Variants in ADCY2 observed in about 807,000 individuals in gnomAD.
ADCY2 encodes adenylate cyclase type 2.
A neutral mutation model predicts 125.2 loss-of-function variants in ADCY2; 31 were observed. The ratio of observed to expected loss-of-function variants is 0.25; its 90% CI spans 0.19 to 0.33. The LOEUF is 0.33. ADCY2 is among the 10% of genes least tolerant of loss of function. The pLI is 1.00. For missense variants in ADCY2, 904 were observed against 1,418.2 expected (o/e 0.64, Z 5.82); for synonymous variants, 512 against 548.4 (o/e 0.93, Z 0.93).
intron 2 of ADCY2, among the ~76,000 whole-genome samples, chr5:7,460,922 C>G (rs1162119805): frequency 6.6e-6 from 1 of 152,170 alleles, no homozygotes; most frequent in African/African-American, 2.4e-5. Context: ...GGTTCCTCTG[C>G]ATTTACAAGA....
At chr5:7,658,800 G>A (rs1739430979) in intron 4 of ADCY2, among the ~76,000 whole-genome samples, 2 of 152,182 alleles carry the variant, frequency 1.3e-5, no homozygotes, top group South Asian at 4.1e-4. Flanking sequence ...CTGGACCGAG[G>A]GAAGAGCAGA....
intron 2 of ADCY2, among the ~76,000 whole-genome samples, chr5:7,514,443 C>A (rs1744183944): frequency 1.3e-5 from 2 of 152,154 alleles, no homozygotes; most frequent in Admixed American, 6.5e-5. Context: ...ACTTGCCTTT[C>A]ATGTCTGACT....
intron 3 of ADCY2, among the ~76,000 whole-genome samples, chr5:7,529,247 T>A (rs62341509): frequency 0.73 from 110,611 of 151,986 alleles, 43,370 homozygotes; most frequent in East Asian, 0.88. Flanking sequence ...AATGAGGACT[T>A]AATGAAAAGG....
intron 23 of ADCY2, among the ~76,000 whole-genome samples, chr5:7,818,877 G>C (rs956216058): frequency 6.6e-6 from 1 of 152,208 alleles, no homozygotes; most frequent in South Asian, 2.1e-4. Flanking sequence ...GGGTGTATTA[G>C]GGTTATCTGG....
chr5:7,678,003 T>C (rs1740194202), intron 4 of ADCY2, among the ~76,000 whole-genome samples: 1 of 152,234 alleles, frequency 6.6e-6, no homozygotes, highest in South Asian at 2.1e-4. Context: ...ATCTGTTTAC[T>C]GTTTGATAAA....
chr5:7,728,743 T>C (rs918922445), intron 14 of ADCY2, among the ~76,000 whole-genome samples: 1 of 152,210 alleles, frequency 6.6e-6, no homozygotes, highest in African/African-American at 2.4e-5. Flanking sequence ...TTAATTTTTC[T>C]ACATCTTCCT....
In ADCY2 at chr5:7,592,948, G is replaced by A. The variant is rs145248727; in HGVS notation, c.571-33219G>A. Among the ~76,000 whole-genome samples the A allele has an allele frequency of 2.9e-3, 439 of 152,254 alleles. 1 individual carries two copies. The highest frequency in any genetic ancestry group is 5.6e-3 in the Admixed American group (85 of 15,298). On this transcript the variant is annotated intron_variant, in intron 3 of 24. Coordinates refer to ENST00000338316, the MANE Select transcript of ADCY2 (RefSeq NM_020546.3). ...AAAAGAGAATTCCTCCTGGGATTGT[G>A]CGATTTACCATGTTGTATGTGATAG...
At chr5:7,453,146 T>G (rs1344391167) in intron 2 of ADCY2, among the ~76,000 whole-genome samples, 1 of 152,200 alleles carries the variant, frequency 6.6e-6, no homozygotes, top group Non-Finnish European at 1.5e-5. Context: ...GCATTTGCTT[T>G]TGGGGTCTTT....
At chr5:7,503,987 C>T (rs1035036645) in intron 2 of ADCY2, among the ~76,000 whole-genome samples, 6 of 152,134 alleles carry the variant, frequency 3.9e-5, no homozygotes, top group Admixed American at 1.3e-4. Flanking sequence ...AGTTTACCAC[C>T]GCAGAAAGCA....
At chr5:7,526,085 C>G (rs989718178) in intron 3 of ADCY2, among the ~76,000 whole-genome samples, 1 of 152,220 alleles carries the variant, frequency 6.6e-6, no homozygotes, top group African/African-American at 2.4e-5. Context: ...GCTCTGACAC[C>G]CACGCATGTG....
At chr5:7,537,562 C>T (rs896251032) in intron 3 of ADCY2, among the ~76,000 whole-genome samples, 2 of 152,234 alleles carry the variant, frequency 1.3e-5, no homozygotes, top group Non-Finnish European at 2.9e-5. Flanking sequence ...TCCCAAGTCA[C>T]TTTCCTGCTA....
chr5:7,454,402 G>GT (rs1741590481), intron 2 of ADCY2, among the ~76,000 whole-genome samples: 1 of 152,150 alleles, frequency 6.6e-6, no homozygotes, highest in Non-Finnish European at 1.5e-5. Flanking sequence ...TTGCAATGGT[G>GT]TGGAGCCCAA....
intron 2 of ADCY2, among the ~76,000 whole-genome samples, chr5:7,513,960 G>A (rs1487721289): frequency 6.6e-6 from 1 of 152,150 alleles, no homozygotes; most frequent in Non-Finnish European, 1.5e-5. Flanking sequence ...GTATTTCTCT[G>A]ATGGTGTGTT....
intron 6 of ADCY2, among the ~76,000 whole-genome samples, chr5:7,696,885 C>A (rs182224927): frequency 2.1e-3 from 323 of 152,164 alleles, no homozygotes; most frequent in Non-Finnish European, 4.0e-3. Context: ...TTTACCAAGC[C>A]AAAGGAAGGG....
chr5:7,692,392 C>T (rs1462967018), intron 5 of ADCY2: 2 of 152,148 alleles, frequency 1.3e-5, no homozygotes, highest in East Asian at 1.9e-4. Flanking sequence ...AACAGAAACA[C>T]ATTTGTGTAT....
chr5:7,452,036 G>A (rs560455142), intron 2 of ADCY2, among the ~76,000 whole-genome samples: 2 of 152,074 alleles, frequency 1.3e-5, no homozygotes, highest in East Asian at 1.9e-4. Context: ...TCAGCCTCTC[G>A]AGTAGCTGGG....
intron 14 of ADCY2, among the ~76,000 whole-genome samples, chr5:7,738,332 A>G (rs1213613114): frequency 6.6e-6 from 1 of 152,100 alleles, no homozygotes; most frequent in Non-Finnish European, 1.5e-5. Context: ...AGCAATCACT[A>G]AAAATAAAAT....
chr5:7,419,536 CT>C (rs1740106694), intron 2 of ADCY2, among the ~76,000 whole-genome samples: 1 of 152,162 alleles, frequency 6.6e-6, no homozygotes, highest in African/African-American at 2.4e-5. Context: ...CACAGCTGAC[CT>C]TTAGTCTCCA....
chr5:7,559,517 A>T (rs1340695544), intron 3 of ADCY2, among the ~76,000 whole-genome samples: 1 of 152,184 alleles, frequency 6.6e-6, no homozygotes, highest in African/African-American at 2.4e-5. Flanking sequence ...ACTATTGCAC[A>T]TTGATTTTAT....
Sources: gnomAD v4.1 joint callset for allele counts (sites outside exome capture counted in the v4.1 genomes callset) on GRCh38, gnomAD v4.1.1 for gene constraint, MANE v1.5 for transcripts, NCBI Gene and HGNC (gene_info 2026-07-23, HGNC 2026-07-21) for gene names.